Variants in SVIL observed in about 807,000 individuals in gnomAD.
SVIL encodes archvillin.
SVIL carries 101 observed loss-of-function variants against 240.4 expected under a neutral mutation model. The observed-to-expected ratio is 0.42, with a 90% confidence interval of 0.36 to 0.50. The LOEUF (loss-of-function observed/expected upper bound fraction) is 0.50, where lower values mean the gene tolerates loss of function less well. SVIL is among the 20% of genes least tolerant of loss of function. The probability of loss-of-function intolerance (pLI) is 0.01; values close to 1 mark genes in which losing one functional copy is unlikely to be tolerated. For missense variants in SVIL, 2,512 were observed against 2,818.7 expected, an observed-to-expected ratio of 0.89 and a Z score of 2.46; for synonymous variants, 999 against 1,100.0, an observed-to-expected ratio of 0.91 and a Z score of 1.82.
intron 17 of SVIL, among the ~76,000 whole-genome samples, chr10:29,503,855 G>C (rs889095700): frequency 6.6e-6 from 1 of 152,128 alleles, no homozygotes; most frequent in African/African-American, 2.4e-5. Flanking sequence ...TGATCTTAAA[G>C]TTTACATGGA....
chr10:29,482,835 C>T (rs1407798194), intron 27 of SVIL: 1 of 152,440 alleles, frequency 6.6e-6, no homozygotes, highest in African/African-American at 2.4e-5. Flanking sequence ...CCCTCCAGAT[C>T]CATCTTCGGT....
At position 29,555,250 on chromosome 10, in the gene SVIL, C is replaced by T. The variant is rs557400501; in HGVS notation, c.-50-142G>A. 3.2e-5 allele frequency: 27 copies of T among 833,452 alleles called. No individual in the cohort carries two copies. In the South Asian group the frequency reaches 4.3e-4, roughly 13 times the overall value. 51.6% of individuals were successfully genotyped at this position (833,452 alleles called of 1,614,324 possible). ...AGTGACATGCAAAACTGACCAAGTT[C>T]CTGCTTTCTTGGAAACTGTTTCCTA... On this transcript the variant is annotated intron_variant, in intron 3 of 37. Coordinates refer to ENST00000355867, the MANE Select transcript of SVIL (RefSeq NM_021738.3).
intron 1 of SVIL, among the ~76,000 whole-genome samples, chr10:29,606,775 G>A (rs576412752): frequency 2.6e-4 from 40 of 152,162 alleles, no homozygotes; most frequent in Middle Eastern, 3.4e-3. Context: ...GTTTATTTGA[G>A]TCAGAGTCTT....
intron 3 of SVIL, among the ~76,000 whole-genome samples, chr10:29,643,767 G>T (rs890052683): frequency 6.6e-6 from 1 of 152,054 alleles, no homozygotes; most frequent in African/African-American, 2.4e-5. Context: ...GAGCTCCAAG[G>T]TCATCTGTAA....
At chr10:29,512,971 G>T (rs879115401) in intron 16 of SVIL, 110 bp from the exon 17 acceptor site, 3 of 1,418,386 alleles carry the variant, frequency 2.1e-6, no homozygotes, top group South Asian at 1.4e-5. Context: ...GACCACAGCC[G>T]CCTCGTTTTA....
At chr10:29,594,583 G>T (rs1350461755) in intron 1 of SVIL, among the ~76,000 whole-genome samples, 3 of 149,164 alleles carry the variant, frequency 2.0e-5, no homozygotes, top group Non-Finnish European at 4.4e-5. Context: ...TTGAAACATG[G>T]TCTCACTCTG....
intron 1 of SVIL, among the ~76,000 whole-genome samples, chr10:29,698,977 C>T (rs995019350): frequency 6.6e-6 from 1 of 152,164 alleles, no homozygotes; most frequent in African/African-American, 2.4e-5. Flanking sequence ...GCACCCTCAT[C>T]GAATGACACT....
chr10:29,696,196 C>T (rs1453671469), intron 1 of SVIL, among the ~76,000 whole-genome samples: 9 of 151,946 alleles, frequency 5.9e-5, no homozygotes, highest in South Asian at 2.1e-4. Context: ...GCGAGTGTTC[C>T]GCCAGCCTCG....
intron 18 of SVIL, among the ~76,000 whole-genome samples, chr10:29,498,091 A>T (rs1389644008): frequency 8.2e-6 from 1 of 122,416 alleles, no homozygotes. Flanking sequence ...CCTCCACCAA[A>T]AAAAAAAAAA....
In SVIL at chr10:29,548,228, C is replaced by T. The variant is rs186904568; in HGVS notation, c.827+2369G>A. Among the ~76,000 whole-genome samples the T allele has an allele frequency of 5.3e-5, 8 of 152,212 alleles. No homozygotes were observed. In the East Asian group the frequency reaches 1.2e-3, roughly 22 times the overall value. On this transcript the variant is annotated intron_variant, in intron 6 of 37. Coordinates refer to ENST00000355867, the MANE Select transcript of SVIL (RefSeq NM_021738.3). ...TGTGTTACTGCCACTTAGAGATGAC[C>T]AGGTGTGCACCCCTGTGTCCCAGTG...
chr10:29,707,863 A>G (rs1167318027), intron 1 of SVIL, among the ~76,000 whole-genome samples: 1 of 152,184 alleles, frequency 6.6e-6, no homozygotes, highest in Admixed American at 6.5e-5. Flanking sequence ...CATAAATGAG[A>G]AAATGAAGGC....
chr10:29,666,124 C>T (rs551498803), intron 2 of SVIL, among the ~76,000 whole-genome samples: 44 of 152,236 alleles, frequency 2.9e-4, no homozygotes, highest in Admixed American at 1.5e-3. Context: ...CACTATGTGG[C>T]CCAGGCTGGT....
chr10:29,648,482 G>A (rs1187220327), intron 3 of SVIL, among the ~76,000 whole-genome samples: 4 of 152,154 alleles, frequency 2.6e-5, no homozygotes, highest in Admixed American at 6.5e-5. Context: ...GCTTTGTACC[G>A]TCCAATTCTC....
At chr10:29,656,719 C>A (rs1427782842) in intron 3 of SVIL, among the ~76,000 whole-genome samples, 1 of 152,084 alleles carries the variant, frequency 6.6e-6, no homozygotes, top group African/African-American at 2.4e-5. Context: ...GCTATATAGC[C>A]AGTTTTGGTC....
intron 1 of SVIL, among the ~76,000 whole-genome samples, chr10:29,708,908 C>A (rs552724582): frequency 6.6e-6 from 1 of 151,450 alleles, no homozygotes; most frequent in African/African-American, 2.4e-5. Flanking sequence ...AAAAACCTGC[C>A]GAAAGAATTT....
At chr10:29,718,193 G>A (rs1441023202) in intron 1 of SVIL, among the ~76,000 whole-genome samples, 1 of 151,988 alleles carries the variant, frequency 6.6e-6, no homozygotes, top group Non-Finnish European at 1.5e-5. Context: ...AGGCGTGGTG[G>A]CACATCGCTG....
At chr10:29,591,259 G>A (rs1349969296) in intron 1 of SVIL, among the ~76,000 whole-genome samples, 1 of 152,096 alleles carries the variant, frequency 6.6e-6, no homozygotes, top group Admixed American at 6.6e-5. Flanking sequence ...TCTCTCTTCA[G>A]CTCCTTGGCT....
At position 29,529,713 on chromosome 10, in the gene SVIL, G is replaced by C; in HGVS notation, c.2238C>G (p.Ile746Met). The part of the protein sequence containing the change: ...TQPITTEEVV[I>M]AATEPIPASC... ...GTCCTGTGGGCACTTACGTGGCTGC[G>C]ATGACCACCTCTTCAGTGGTGATGG... The change falls in exon 12 of 38, where the codon ATC (isoleucine) becomes ATG (methionine). Residue 746 changes from isoleucine to methionine, a missense_variant. By Grantham distance (10) the Ile-to-Met change is conservative (BLOSUM62 1). Around this residue, in one of 3 missense-constraint regions of SVIL, gnomAD observed 1,443 missense variants for 1,486.6 expected, o/e 0.97. Transcript: ENST00000355867. The C allele has an allele frequency of 6.2e-7, 1 of 1,605,698 alleles. No individual in the cohort carries two copies. Among genetic ancestry groups the C allele is most frequent in the Non-Finnish European group, 8.5e-7 (1 of 1,177,180 alleles).
At chr10:29,700,749 A>G (rs959270845) in intron 1 of SVIL, among the ~76,000 whole-genome samples, 5 of 152,130 alleles carry the variant, frequency 3.3e-5, no homozygotes, top group African/African-American at 1.2e-4. Context: ...CTGGGATTAC[A>G]GGCGTGAGTC....
Sources: gnomAD v4.1 joint callset for allele counts (sites outside exome capture counted in the v4.1 genomes callset) on GRCh38, gnomAD v4.1.1 for gene constraint, gnomAD v4.1.1 regional missense constraint, MANE v1.5 for transcripts, NCBI Gene and HGNC (gene_info 2026-07-23, HGNC 2026-07-21) for gene names.